The following BRINP3 variants were observed in gnomAD, a reference collection of about 807,000 sequenced individuals.
BRINP3 encodes the protein BMP/retinoic acid-inducible neural-specific protein 3.
Under a neutral mutation model 71.0 loss-of-function variants are expected in BRINP3, and 19 were observed. That is an observed-to-expected ratio of 0.27 (90% confidence interval 0.19 to 0.39). BRINP3 has a LOEUF of 0.39. BRINP3 is among the 10% of genes least tolerant of loss of function. The pLI is 1.00. For missense variants in BRINP3, 959 were observed against 940.8 expected (o/e 1.02, Z -0.25); for synonymous variants, 380 against 337.7 (o/e 1.13, Z -1.37).
At chr1:190,394,845 A>C (rs1262876296) in intron 2 of BRINP3, among the ~76,000 whole-genome samples, 2 of 151,744 alleles carry the variant, frequency 1.3e-5, no homozygotes, top group South Asian at 2.1e-4. Context: ...TGGGGAGTAC[A>C]CAGTGCCTAC....
intron 2 of BRINP3, among the ~76,000 whole-genome samples, chr1:190,332,392 G>A (rs1667024215): frequency 1.3e-5 from 2 of 151,988 alleles, no homozygotes; most frequent in African/African-American, 2.4e-5. Context: ...GCAGCCAAAC[G>A]CTAACTATTC....
rs867253157 is a variant in BRINP3 at position 190,340,698 on chromosome 1, C to T, written c.237-58948G>A. On this transcript the variant is annotated intron_variant, in intron 2 of 7. Coordinates refer to ENST00000367462, the MANE Select transcript of BRINP3 (RefSeq NM_199051.3). ...TCCCCACATGCATACTAGAATAGAA[C>T]CTTTCTTATGAATGAGAAAACAAAA... Among the ~76,000 whole-genome samples the T allele has an allele frequency of 3.3e-5, 5 of 151,666 alleles. No individual in the cohort carries two copies. In the South Asian group the frequency reaches 1.0e-3, roughly 31 times the overall value.
chr1:190,164,466 T>C (rs1349633830), intron 6 of BRINP3, among the ~76,000 whole-genome samples: 1 of 152,168 alleles, frequency 6.6e-6, no homozygotes, highest in Non-Finnish European at 1.5e-5. Flanking sequence ...TTGTTATTAA[T>C]TCATATTATT....
chr1:190,430,554 G>C (rs1674028877), intron 2 of BRINP3, among the ~76,000 whole-genome samples: 1 of 152,160 alleles, frequency 6.6e-6, no homozygotes, highest in Non-Finnish European at 1.5e-5. Context: ...ATTTTGGGTA[G>C]AGAAATAATG....
In BRINP3 at chr1:190,246,337, C is replaced by T. The variant is rs1659607205; in HGVS notation, c.619-11860G>A. On this transcript the variant is annotated intron_variant, in intron 4 of 7. Coordinates refer to ENST00000367462, the MANE Select transcript of BRINP3 (RefSeq NM_199051.3). ...ATGGTACCTCTGGGACTTCATGAAG[C>T]TTTAATTGGCATCAAGGGTTTCTTA... Among the ~76,000 whole-genome samples the T allele has an allele frequency of 2.0e-5, 3 of 151,820 alleles. No homozygotes were observed. The South Asian group carries it at 6.2e-4, about 32-fold the overall frequency.
intron 7 of BRINP3, among the ~76,000 whole-genome samples, chr1:190,143,318 AATC>A (rs1655614302): frequency 6.6e-6 from 1 of 152,152 alleles, no homozygotes; most frequent in South Asian, 2.1e-4. Flanking sequence ...CAAATAATAA[AATC>A]ATGAAGACAA....
At chr1:190,120,868 C>A (rs1478118890) in intron 7 of BRINP3, among the ~76,000 whole-genome samples, 1 of 151,978 alleles carries the variant, frequency 6.6e-6, no homozygotes, top group African/African-American at 2.4e-5. Flanking sequence ...AAGAGAGAAT[C>A]TTTTAAACAT....
At chr1:190,374,050 C>T (rs989073169) in intron 2 of BRINP3, among the ~76,000 whole-genome samples, 1 of 151,666 alleles carries the variant, frequency 6.6e-6, no homozygotes, top group African/African-American at 2.4e-5. Flanking sequence ...CTTAACACTT[C>T]TGAACCTCAT....
At chr1:190,287,273 C>T (rs919241908) in intron 2 of BRINP3, among the ~76,000 whole-genome samples, 13 of 151,958 alleles carry the variant, frequency 8.6e-5, no homozygotes, top group African/African-American at 3.1e-4. Context: ...CAACATCTCA[C>T]AAATGACACT....
chr1:190,414,016 G>T (rs1672855277), intron 2 of BRINP3, among the ~76,000 whole-genome samples: 1 of 152,098 alleles, frequency 6.6e-6, no homozygotes, highest in South Asian at 2.1e-4. Flanking sequence ...AGGCTGGAGT[G>T]CAGTGGTGTG....
intron 2 of BRINP3, among the ~76,000 whole-genome samples, chr1:190,319,309 T>C (rs642040): frequency 0.015 from 2,285 of 152,226 alleles, 30 homozygotes; most frequent in Non-Finnish European, 0.022. Flanking sequence ...ATCTTCTTCC[T>C]TCACTGGCCT....
chr1:190,303,986 G>A (rs776843541), intron 2 of BRINP3, among the ~76,000 whole-genome samples: 2 of 151,510 alleles, frequency 1.3e-5, no homozygotes, highest in Non-Finnish European at 3.0e-5. Context: ...ATAAAAGTTA[G>A]TCATCTAATG....
chr1:190,228,087 A>T (rs1191145554), intron 5 of BRINP3, among the ~76,000 whole-genome samples: 1 of 151,974 alleles, frequency 6.6e-6, no homozygotes, highest in Non-Finnish European at 1.5e-5. Context: ...ATAGTACTGT[A>T]TTTGATCTAA....
At chr1:190,211,662 G>C (rs907882313) in intron 6 of BRINP3, among the ~76,000 whole-genome samples, 2 of 152,056 alleles carry the variant, frequency 1.3e-5, no homozygotes, top group Admixed American at 6.6e-5. Flanking sequence ...TGGAATGATG[G>C]CACTGATCTA....
chr1:190,447,321 AT>A (rs915641071), intron 2 of BRINP3, among the ~76,000 whole-genome samples: 20 of 146,584 alleles, frequency 1.4e-4, no homozygotes, highest in South Asian at 8.5e-4. Flanking sequence ...ATATAGTATA[AT>A]TTTTTTAACC....
At chr1:190,352,825 T>C (rs1668480137) in intron 2 of BRINP3, among the ~76,000 whole-genome samples, 1 of 149,110 alleles carries the variant, frequency 6.7e-6, no homozygotes, top group Non-Finnish European at 1.5e-5. Flanking sequence ...AGAGTGATTA[T>C]ACTGCAACAG....
chr1:190,181,996 T>A (rs1311051799), intron 6 of BRINP3, among the ~76,000 whole-genome samples: 1 of 152,016 alleles, frequency 6.6e-6, no homozygotes, highest in Non-Finnish European at 1.5e-5. Flanking sequence ...ATAGTTAGCA[T>A]TTTCTATTAG....
intron 2 of BRINP3, among the ~76,000 whole-genome samples, chr1:190,311,156 T>C (rs776273014): frequency 6.6e-6 from 1 of 151,696 alleles, no homozygotes; most frequent in Non-Finnish European, 1.5e-5. Flanking sequence ...AAGCACAAGG[T>C]CCCATGTGCT....
At chr1:190,174,149 T>A (rs1652277396) in intron 6 of BRINP3, among the ~76,000 whole-genome samples, 1 of 152,168 alleles carries the variant, frequency 6.6e-6, no homozygotes, top group Admixed American at 6.6e-5. Context: ...AATTTACATG[T>A]TACTTCAGTT....
Sources: gnomAD v4.1 joint callset for allele counts (sites outside exome capture counted in the v4.1 genomes callset) on GRCh38, gnomAD v4.1.1 for gene constraint, MANE v1.5 for transcripts, NCBI Gene and HGNC (gene_info 2026-07-23, HGNC 2026-07-21) for gene names.